SGCZ: variants seen among roughly 807,000 people sequenced by gnomAD.
The protein encoded by SGCZ is zeta-sarcoglycan.
Under a neutral mutation model 41.3 loss-of-function variants are expected in SGCZ, and 40 were observed. That is an observed-to-expected ratio of 0.97 (90% CI 0.75 to 1.26). SGCZ has a LOEUF of 1.26. Ranked by LOEUF, SGCZ falls within the 50% of genes most tolerant of loss-of-function variation. SGCZ has a pLI of 0.00. For missense variants in SGCZ, 552 were observed against 369.8 expected, an observed-to-expected ratio of 1.49 and a Z score of -4.04; for synonymous variants, 206 against 137.5, an observed-to-expected ratio of 1.50 and a Z score of -3.49.
rs1585290084 is a variant in SGCZ, at chr8:14,820,389, G to A, written c.40-265463C>T. On this transcript the variant is annotated intron_variant, in intron 1 of 7. Coordinates refer to ENST00000382080, the MANE Select transcript of SGCZ (RefSeq NM_139167.4). ...AAAATATTATTACATCTAAAGGAAT[G>A]GACTGCAATGAAATAATAGTATAGG... is the stretch of plus-strand genomic sequence containing the variant. Among the ~76,000 whole-genome samples the A allele has an allele frequency of 3.9e-5, 6 of 152,050 alleles. No individual in the cohort carries two copies. The South Asian group carries it at 1.2e-3, about 31-fold the overall frequency.
At chr8:14,463,641 T>G (rs55981406) in intron 2 of SGCZ, among the ~76,000 whole-genome samples, 3 of 151,444 alleles carry the variant, frequency 2.0e-5, no homozygotes, top group African/African-American at 7.3e-5. Flanking sequence ...ACAGACAAAC[T>G]GTATTTTGTG....
intron 4 of SGCZ, among the ~76,000 whole-genome samples, chr8:14,203,060 A>G (rs979597965): frequency 6.6e-6 from 1 of 152,156 alleles, no homozygotes; most frequent in African/African-American, 2.4e-5. Flanking sequence ...TCCATGTAAG[A>G]TGTGACTTGC....
chr8:14,633,545 G>T (rs921491275), intron 1 of SGCZ, among the ~76,000 whole-genome samples: 1 of 151,856 alleles, frequency 6.6e-6, no homozygotes, highest in Non-Finnish European at 1.5e-5. Context: ...AGAATAAAAA[G>T]TTGGCAAATA....
At chr8:14,373,548 T>G (rs1202387341) in intron 2 of SGCZ, among the ~76,000 whole-genome samples, 1 of 152,056 alleles carries the variant, frequency 6.6e-6, no homozygotes. Context: ...GTAGAACTAG[T>G]GATGGAAGAC....
chr8:14,225,681 G>A (rs2410167), intron 4 of SGCZ, among the ~76,000 whole-genome samples: 48,800 of 151,914 alleles, frequency 0.32, 8,494 homozygotes, highest in Middle Eastern at 0.4. Flanking sequence ...TATGTATAAT[G>A]AGCACATAAC....
intron 1 of SGCZ, among the ~76,000 whole-genome samples, chr8:15,037,347 T>C (rs532774455): frequency 2.6e-5 from 4 of 152,318 alleles, no homozygotes; most frequent in African/African-American, 9.6e-5. Context: ...TGACGAAGGA[T>C]ACATTTGCTT....
At chr8:14,748,255 G>A (rs1799395392) in intron 1 of SGCZ, among the ~76,000 whole-genome samples, 1 of 152,120 alleles carries the variant, frequency 6.6e-6, no homozygotes, top group African/African-American at 2.4e-5. Flanking sequence ...TACAGTTGAA[G>A]AATTTGAATT....
intron 1 of SGCZ, among the ~76,000 whole-genome samples, chr8:15,098,280 T>A (rs1336338171): frequency 6.6e-6 from 1 of 152,160 alleles, no homozygotes; most frequent in East Asian, 1.9e-4. Context: ...AAAGCTACAA[T>A]GTGCATATTC....
intron 4 of SGCZ, among the ~76,000 whole-genome samples, chr8:14,167,469 C>T (rs1804244196): frequency 6.6e-6 from 1 of 152,084 alleles, no homozygotes; most frequent in African/African-American, 2.4e-5. Flanking sequence ...TCATCTTAAA[C>T]ACCAACTTGC....
At chr8:14,526,394 CT>C (rs1802951235) in intron 2 of SGCZ, among the ~76,000 whole-genome samples, 1 of 152,006 alleles carries the variant, frequency 6.6e-6, no homozygotes, top group South Asian at 2.1e-4. Context: ...AGAATATTAG[CT>C]TAACAAAAAT....
At chr8:14,922,428 C>T (rs564774508) in intron 1 of SGCZ, among the ~76,000 whole-genome samples, 1 of 152,046 alleles carries the variant, frequency 6.6e-6, no homozygotes, top group East Asian at 1.9e-4. Flanking sequence ...ATATGGGCTA[C>T]CTAATTTTTA....
chr8:15,180,471 G>A (rs1025006857), intron 1 of SGCZ, among the ~76,000 whole-genome samples: 1 of 152,122 alleles, frequency 6.6e-6, no homozygotes, highest in East Asian at 1.9e-4. Context: ...TTCTACATCT[G>A]CTCTTTTATT....
chr8:14,411,637 T>C lies in SGCZ; in HGVS notation c.235-87433A>G, dbSNP rs78583479. On this transcript the variant is annotated intron_variant, in intron 2 of 7. Transcript: ENST00000382080. ...ATATTTATTACTTTAGAGCATCATA[T>C]ACCCACCACCTAATAAAATGTCTAG... is the stretch of plus-strand genomic sequence containing the variant. Among the ~76,000 whole-genome samples the C allele has an allele frequency of 6.3e-3, 957 of 152,242 alleles. 8 individuals are homozygous for C. The highest frequency in any genetic ancestry group is 0.038 in the South Asian group (184 of 4,828).
At chr8:14,818,404 A>G (rs372742810) in intron 1 of SGCZ, among the ~76,000 whole-genome samples, 63 of 152,356 alleles carry the variant, frequency 4.1e-4, no homozygotes, top group African/African-American at 1.5e-3. Flanking sequence ...CACAGAGACC[A>G]CAGAGGCTAG....
At chr8:14,832,581 T>A (rs1025285162) in intron 1 of SGCZ, among the ~76,000 whole-genome samples, 12 of 152,178 alleles carry the variant, frequency 7.9e-5, no homozygotes, top group African/African-American at 2.9e-4. Context: ...CTTTGTAGAA[T>A]TTAAGCAAAT....
intron 3 of SGCZ, among the ~76,000 whole-genome samples, chr8:14,250,618 C>A (rs146502984): frequency 4.1e-4 from 63 of 152,242 alleles, no homozygotes; most frequent in African/African-American, 1.4e-3. Flanking sequence ...TGGATCAGAA[C>A]CACCAGTCCT....
intron 1 of SGCZ, among the ~76,000 whole-genome samples, chr8:14,642,233 C>G (rs1351990003): frequency 6.6e-6 from 1 of 151,536 alleles, no homozygotes; most frequent in Non-Finnish European, 1.5e-5. Flanking sequence ...TCAGATGGGA[C>G]AAAATCATTT....
chr8:14,360,332 AT>A (rs535714128), intron 2 of SGCZ, among the ~76,000 whole-genome samples: 257 of 146,792 alleles, frequency 1.8e-3, no homozygotes, highest in Middle Eastern at 3.6e-3. Flanking sequence ...AAAATTTGTA[AT>A]TTTTTTTTTT....
At chr8:15,053,324 T>G (rs1455385083) in intron 1 of SGCZ, among the ~76,000 whole-genome samples, 1 of 152,148 alleles carries the variant, frequency 6.6e-6, no homozygotes, top group Non-Finnish European at 1.5e-5. Context: ...CGTCACTATA[T>G]CTTACTAGAT....
Sources: allele counts gnomAD v4.1 joint callset (sites outside exome capture counted in the v4.1 genomes callset), GRCh38; gene constraint gnomAD v4.1.1; transcripts MANE v1.5; gene names NCBI Gene and HGNC (gene_info 2026-07-23, HGNC 2026-07-21).